The following GINS1 variants were observed in gnomAD, a reference collection of about 807,000 sequenced individuals.
GINS1 encodes the protein DNA replication complex GINS protein PSF1.
A neutral mutation model predicts 34.9 loss-of-function variants in GINS1; 26 were observed. That is an observed-to-expected ratio of 0.74 (90% CI 0.55 to 1.03). GINS1 has a LOEUF of 1.03. Ranked by LOEUF, GINS1 falls within the 50% of genes least tolerant of loss-of-function variation. GINS1 has a pLI of 0.00. For synonymous variants in GINS1, 97 were observed against 84.4 expected, an observed-to-expected ratio of 1.15 and a Z score of -0.82; for missense variants, 235 against 237.9, an observed-to-expected ratio of 0.99 and a Z score of 0.08.
At chr20:25,409,009 T>TG in intron 1 of GINS1, 3 of 985,174 alleles carry the variant, frequency 3.0e-6, no homozygotes, top group Non-Finnish European at 3.6e-6. Flanking sequence ...CAGTATGAGC[T>TG]GGGGTAGAAG....
At chr20:25,417,792 T>G (rs2090330274) in intron 3 of GINS1, among the ~76,000 whole-genome samples, 1 of 152,114 alleles carries the variant, frequency 6.6e-6, no homozygotes, top group Non-Finnish European at 1.5e-5. Flanking sequence ...AGCCAGAGGT[T>G]GTAGTGAACG....
At chr20:25,437,845 A>T (rs962848971) in intron 5 of GINS1, among the ~76,000 whole-genome samples, 2 of 152,186 alleles carry the variant, frequency 1.3e-5, no homozygotes, top group Non-Finnish European at 2.9e-5. Context: ...GGGGCCGGGC[A>T]CAGTGGCTTA....
At chr20:25,418,788 G>T (rs555224548) in intron 4 of GINS1, among the ~76,000 whole-genome samples, 1 of 152,300 alleles carries the variant, frequency 6.6e-6, no homozygotes, top group East Asian at 1.9e-4. Context: ...AGTGTTTATT[G>T]GGGCTTCATT....
chr20:25,422,468 G>T (rs1363938582), intron 4 of GINS1, among the ~76,000 whole-genome samples: 2 of 152,000 alleles, frequency 1.3e-5, no homozygotes, highest in Non-Finnish European at 2.9e-5. Flanking sequence ...GCATGCGCCT[G>T]TGGTCCCAGC....
chr20:25,424,324 A>G (rs2090377983), intron 4 of GINS1, among the ~76,000 whole-genome samples: 1 of 152,214 alleles, frequency 6.6e-6, no homozygotes, highest in African/African-American at 2.4e-5. Flanking sequence ...TTCCATTTTA[A>G]AGAAAGTTAA....
intron 3 of GINS1, 99 bp from the exon 4 acceptor site, chr20:25,418,006 T>A: frequency 1.3e-6 from 1 of 760,626 alleles, no homozygotes; most frequent in Non-Finnish European, 2.4e-6. Context: ...CCCTAAGATG[T>A]CTGTTTAGAG....
At chr20:25,421,808 C>A (rs942860111) in intron 4 of GINS1, among the ~76,000 whole-genome samples, 2 of 152,128 alleles carry the variant, frequency 1.3e-5, no homozygotes, top group Admixed American at 6.5e-5. Flanking sequence ...GTCAAAACAG[C>A]TTCTGATTTT....
intron 1 of GINS1, among the ~76,000 whole-genome samples, chr20:25,412,503 C>T (rs1383937336): frequency 1.3e-5 from 2 of 151,828 alleles, no homozygotes; most frequent in African/African-American, 2.4e-5. Flanking sequence ...TGCAGTGAGC[C>T]GAGATTGCAC....
intron 4 of GINS1, among the ~76,000 whole-genome samples, chr20:25,422,126 G>A (rs926666725): frequency 6.6e-6 from 1 of 152,044 alleles, no homozygotes; most frequent in African/African-American, 2.4e-5. Flanking sequence ...TGCAGAAAAC[G>A]AAGATGTACA....
chr20:25,413,953 A>G (rs1183696473), intron 2 of GINS1, 99 bp downstream of exon 2: 7 of 713,404 alleles, frequency 9.8e-6, no homozygotes, highest in African/African-American at 1.8e-5. Context: ...GCACTTTGGG[A>G]GGCTGAGGCG....
At position 25,446,116 on chromosome 20, in the gene GINS1, G is replaced by A; in HGVS notation, c.*125G>A. The stretch of plus-strand genomic sequence containing the variant: ...TATAGACATTGTTTAAGATAACTAA[G>A]AATACTTGGCTAAGAAGTATAATTT... On this transcript the variant is annotated 3_prime_UTR_variant, in exon 7 of 7. Transcript: ENST00000262460. 1 of 530,134 alleles carries A rather than the reference G, an allele frequency of 1.9e-6. No homozygotes were observed. The highest frequency in any genetic ancestry group is 3.0e-5 in the East Asian group (1 of 33,588). 32.8% of individuals were successfully genotyped at this position (530,134 alleles called of 1,614,324 possible). A position where few individuals can be genotyped will look rare whatever the true frequency, so the allele number is the denominator to read the frequency against.
chr20:25,443,980 TTATCTATC>T (rs35231046), intron 6 of GINS1, among the ~76,000 whole-genome samples: 156 of 142,918 alleles, frequency 1.1e-3, no homozygotes, highest in African/African-American at 3.4e-3. Flanking sequence ...TAGGAAACAT[TTATCTATC>T]TATCTATCTA....
intron 6 of GINS1, chr20:25,443,017 G>C (rs911423696): frequency 6.6e-6 from 1 of 152,108 alleles, no homozygotes; most frequent in Non-Finnish European, 1.5e-5. Context: ...AGCCATTTAG[G>C]ATCTGTTGAC....
chr20:25,443,990 A>ATCTATCTATCTATCTG (rs2090497280), intron 6 of GINS1, among the ~76,000 whole-genome samples: 1 of 151,240 alleles, frequency 6.6e-6, no homozygotes, highest in African/African-American at 2.4e-5. Context: ...TTATCTATCT[A>ATCTATCTATCTATCTG]TCTATCTATC....
chr20:25,428,834 A>G (rs1390232644), intron 5 of GINS1, among the ~76,000 whole-genome samples: 1 of 152,016 alleles, frequency 6.6e-6, no homozygotes, highest in Non-Finnish European at 1.5e-5. Flanking sequence ...ATTGTTCTGT[A>G]CATCTGTCGT....
chr20:25,441,621 T>A, intron 5 of GINS1, 81 bp from the exon 6 acceptor site: 1 of 713,896 alleles, frequency 1.4e-6, no homozygotes, highest in Non-Finnish European at 2.5e-6. Flanking sequence ...TGTCTGTGTA[T>A]TTGTATAATG....
intron 5 of GINS1, among the ~76,000 whole-genome samples, chr20:25,433,017 A>G (rs1305686120): frequency 6.6e-6 from 1 of 151,898 alleles, no homozygotes; most frequent in Non-Finnish European, 1.5e-5. Context: ...CGCATAGAAT[A>G]TCTTCTTCTA....
At chr20:25,415,780 T>G (rs2090317154) in intron 2 of GINS1, among the ~76,000 whole-genome samples, 1 of 151,460 alleles carries the variant, frequency 6.6e-6, no homozygotes, top group South Asian at 2.1e-4. Context: ...TTGGGATTCA[T>G]GCTATGAAGG....
chr20:25,430,093 A>G (rs2090418591), intron 5 of GINS1, among the ~76,000 whole-genome samples: 1 of 152,120 alleles, frequency 6.6e-6, no homozygotes, highest in African/African-American at 2.4e-5. Context: ...TTGTATTTTT[A>G]TTAGAGACAG....
Sources: gnomAD v4.1 joint callset for allele counts (sites outside exome capture counted in the v4.1 genomes callset) on GRCh38, gnomAD v4.1.1 for gene constraint, MANE v1.5 for transcripts, NCBI Gene and HGNC (gene_info 2026-07-23, HGNC 2026-07-21) for gene names.